Variants in DIP2C observed in about 807,000 individuals in gnomAD.
DIP2C encodes the protein DIP2 acetate--CoA ligase C (putative).
DIP2C carries 33 observed loss-of-function variants against 192.4 expected under a neutral mutation model. The observed-to-expected ratio is 0.17, with a 90% CI of 0.13 to 0.23. The LOEUF (loss-of-function observed/expected upper bound fraction) is 0.23, where lower values mean the gene tolerates loss of function less well. Ranked by LOEUF, DIP2C falls within the 10% of genes least tolerant of loss-of-function variation. DIP2C has a pLI of 1.00. For synonymous variants in DIP2C, 979 were observed against 864.1 expected (o/e 1.13, Z -2.33); for missense variants, 1,537 against 2,110.1 (o/e 0.73, Z 5.32).
intron 22 of DIP2C, 116 bp from the exon 23 acceptor site, chr10:358,053 G>A: frequency 4.5e-6 from 3 of 662,490 alleles, no homozygotes; most frequent in South Asian, 4.0e-5. Context: ...ACCTGGCTTT[G>A]AATAAACCTT....
At chr10:457,111 A>T (rs532804452) in intron 3 of DIP2C, among the ~76,000 whole-genome samples, 2 of 152,294 alleles carry the variant, frequency 1.3e-5, no homozygotes, top group African/African-American at 4.8e-5. Flanking sequence ...CAGATCTAGG[A>T]GGAGTTGCTT....
intron 1 of DIP2C, among the ~76,000 whole-genome samples, chr10:599,796 A>G (rs191788670): frequency 6.6e-6 from 1 of 152,170 alleles, no homozygotes; most frequent in Admixed American, 6.5e-5. Flanking sequence ...TTTTGAGGAG[A>G]GGGGACGAGC....
intron 17 of DIP2C, among the ~76,000 whole-genome samples, chr10:381,599 C>T (rs995428781): frequency 2.0e-5 from 3 of 152,218 alleles, no homozygotes; most frequent in East Asian, 1.9e-4. Flanking sequence ...ACCTGACATG[C>T]GTGCCCACGT....
At chr10:489,398 C>T (rs570996377) in intron 1 of DIP2C, among the ~76,000 whole-genome samples, 10 of 152,328 alleles carry the variant, frequency 6.6e-5, no homozygotes, top group South Asian at 6.2e-4. Context: ...TATAGACAGA[C>T]GACAGAGATG....
chr10:338,424 G>T (rs1434347841), intron 29 of DIP2C, among the ~76,000 whole-genome samples: 6 of 144,052 alleles, frequency 4.2e-5, no homozygotes, highest in African/African-American at 1.5e-4. Context: ...GCCCTACACA[G>T]TTTTTTTTTT....
chr10:565,047 C>G (rs999615836), intron 1 of DIP2C, among the ~76,000 whole-genome samples: 1 of 152,134 alleles, frequency 6.6e-6, no homozygotes, highest in African/African-American at 2.4e-5. Context: ...ATTTCCCTTC[C>G]TCTATTCAAT....
intron 29 of DIP2C, among the ~76,000 whole-genome samples, chr10:336,219 A>T (rs4360626): frequency 4.6e-5 from 7 of 152,132 alleles, no homozygotes; most frequent in Non-Finnish European, 1.0e-4. Context: ...AAAATTTAAA[A>T]ATCAGCATCC....
intron 4 of DIP2C, among the ~76,000 whole-genome samples, chr10:427,026 AGAT>A (rs1194305431): frequency 6.6e-6 from 1 of 152,266 alleles, no homozygotes; most frequent in African/African-American, 2.4e-5. Context: ...AAGTTTTAAA[AGAT>A]GATTATCTGC....
At chr10:350,995 G>A (rs1004771003) in intron 24 of DIP2C, among the ~76,000 whole-genome samples, 3 of 152,114 alleles carry the variant, frequency 2.0e-5, no homozygotes, top group Non-Finnish European at 4.4e-5. Context: ...CATGAGTGTA[G>A]GGATGGAGCG....
intron 1 of DIP2C, among the ~76,000 whole-genome samples, chr10:549,891 C>G (rs191142894): frequency 7.7e-4 from 117 of 152,300 alleles, no homozygotes; most frequent in Non-Finnish European, 1.4e-3. Context: ...AGCCCAGGGG[C>G]CCACACTGCT....
chr10:608,774 G>A (rs1326954337), intron 1 of DIP2C, among the ~76,000 whole-genome samples: 2 of 137,964 alleles, frequency 1.4e-5, no homozygotes, highest in African/African-American at 2.9e-5. Context: ...CTGGGCATTC[G>A]GAATAGACCT....
intron 4 of DIP2C, among the ~76,000 whole-genome samples, chr10:439,650 C>T (rs547183425): frequency 1.3e-5 from 2 of 152,162 alleles, no homozygotes; most frequent in African/African-American, 2.4e-5. Context: ...AACAAAAACC[C>T]CAAATTATGC....
rs1002038624 is a variant in DIP2C at position 417,557 on chromosome 10, C to G, written c.739+1508G>C. ...ACACTTACGAAGGCACAGTTGGGCT[C>G]TGCCTCACGTGAGGATGTGGCAGTG... On this transcript the variant is annotated intron_variant, in intron 6 of 36. Transcript: ENST00000280886. Among the ~76,000 whole-genome samples the G allele has an allele frequency of 2.6e-5, 4 of 152,354 alleles. No homozygotes were observed. The South Asian group carries it at 8.3e-4, about 32-fold the overall frequency.
chr10:453,360 A>G (rs1286685291), intron 3 of DIP2C, among the ~76,000 whole-genome samples: 1 of 152,244 alleles, frequency 6.6e-6, no homozygotes, highest in Non-Finnish European at 1.5e-5. Flanking sequence ...CAGCGGAGTC[A>G]ACAGACATGT....
intron 4 of DIP2C, among the ~76,000 whole-genome samples, chr10:428,948 T>TGGAAAGG (rs1966764090): frequency 1.3e-5 from 2 of 152,090 alleles, no homozygotes; most frequent in African/African-American, 4.8e-5. Context: ...ATGTCTCACT[T>TGGAAAGG]ATCCTTTCCA....
In DIP2C at chr10:486,444, A is replaced by C. The variant is rs1207882353; in HGVS notation, c.157+15T>G. On this transcript the variant is annotated intron_variant, in intron 2 of 36. Coordinates refer to ENST00000280886, the MANE Select transcript of DIP2C (RefSeq NM_014974.3). ...GGAAATGAGAGGACTCATGCTACTC[A>C]TGGGGGTTACCTACTCGGAGGCTGC... The C allele has an allele frequency of 6.3e-7, 1 of 1,593,312 alleles. No homozygotes were observed. The highest frequency in any genetic ancestry group is 1.1e-5 in the South Asian group (1 of 87,292).
intron 1 of DIP2C, among the ~76,000 whole-genome samples, chr10:543,256 C>T (rs12252088): frequency 0.16 from 23,703 of 152,254 alleles, 2,940 homozygotes; most frequent in African/African-American, 0.34. Flanking sequence ...CCTCTGCCTT[C>T]ACCAGCTTTG....
At chr10:615,109 G>A (rs1853363438) in intron 1 of DIP2C, among the ~76,000 whole-genome samples, 1 of 152,198 alleles carries the variant, frequency 6.6e-6, no homozygotes, top group South Asian at 2.1e-4. Flanking sequence ...AATTAAGGAA[G>A]CAATTCCCGT....
At chr10:444,865 C>T (rs1182971459) in intron 3 of DIP2C, among the ~76,000 whole-genome samples, 1 of 152,240 alleles carries the variant, frequency 6.6e-6, no homozygotes, top group African/African-American at 2.4e-5. Context: ...CAGTTTTTGG[C>T]TATGAGAATT....
Sources: gnomAD v4.1 joint callset for allele counts (sites outside exome capture counted in the v4.1 genomes callset) on GRCh38, gnomAD v4.1.1 for gene constraint, MANE v1.5 for transcripts, NCBI Gene and HGNC (gene_info 2026-07-23, HGNC 2026-07-21) for gene names.